Variants in ACBD3 observed in about 807,000 individuals in gnomAD.
ACBD3 encodes Golgi resident protein GCP60.
Under a neutral mutation model 66.9 loss-of-function variants are expected in ACBD3, and 30 were observed. The observed-to-expected ratio is 0.45, with a 90% CI of 0.34 to 0.61. The LOEUF (loss-of-function observed/expected upper bound fraction) is 0.61, where lower values mean the gene tolerates loss of function less well. Ranked by LOEUF, ACBD3 falls within the 20% of genes least tolerant of loss-of-function variation. The probability of loss-of-function intolerance (pLI) is 0.02; values close to 1 mark genes in which losing one functional copy is unlikely to be tolerated. For missense variants in ACBD3, 544 were observed against 664.5 expected (o/e 0.82, Z 1.99); for synonymous variants, 278 against 259.8 (o/e 1.07, Z -0.68).
intron 1 of ACBD3, among the ~76,000 whole-genome samples, chr1:226,171,968 T>C (rs1660002085): frequency 6.6e-6 from 1 of 151,190 alleles, no homozygotes; most frequent in Non-Finnish European, 1.5e-5. Context: ...TCAGCCTGAC[T>C]AACATGAGAA....
At chr1:226,159,044 C>A in intron 5 of ACBD3, 140 bp downstream of exon 5, 1 of 936,768 alleles carries the variant, frequency 1.1e-6, no homozygotes, top group Non-Finnish European at 1.6e-6. Flanking sequence ...TCAAGTCTGC[C>A]TAAAAGATCA....
intron 5 of ACBD3, among the ~76,000 whole-genome samples, chr1:226,156,326 A>G (rs889617807): frequency 3.3e-5 from 5 of 152,222 alleles, no homozygotes; most frequent in African/African-American, 1.2e-4. Flanking sequence ...TTTATAAGCT[A>G]CATCTATAGA....
At chr1:226,179,729 A>C (rs933911393) in intron 1 of ACBD3, among the ~76,000 whole-genome samples, 1 of 151,980 alleles carries the variant, frequency 6.6e-6, no homozygotes, top group Non-Finnish European at 1.5e-5. Context: ...GTGGTGGTGC[A>C]CACCTGTAAT....
chr1:226,170,843 G>T (rs772050824), intron 1 of ACBD3, among the ~76,000 whole-genome samples: 11 of 148,838 alleles, frequency 7.4e-5, no homozygotes, highest in Non-Finnish European at 1.3e-4. Context: ...GCAGTGGCAC[G>T]ATCACAGCTC....
At chr1:226,174,375 A>C (rs187639280) in intron 1 of ACBD3, among the ~76,000 whole-genome samples, 1 of 152,348 alleles carries the variant, frequency 6.6e-6, no homozygotes, top group East Asian at 1.9e-4. Flanking sequence ...AAACATGCAG[A>C]TAAACCTCTA....
At position 226,172,155 on chromosome 1, in the gene ACBD3, C is replaced by CAAAAAAAAAAAAAA. The variant is rs779380166; in HGVS notation, c.287-6169_287-6156dup. On this transcript the variant is annotated intron_variant, in intron 1 of 7. Coordinates refer to ENST00000366812, the MANE Select transcript of ACBD3 (RefSeq NM_022735.4). ...GGGAAACAAGAGCAAAACTCCATCT[C>CAAAAAAAAAAAAAA]AAAAAAAAAAAAAAAGAGGAATACA... Among the ~76,000 whole-genome samples the CAAAAAAAAAAAAAA allele has an allele frequency of 5.1e-4, 22 of 43,168 alleles. 2 individuals carry two copies. The highest frequency in any genetic ancestry group is 1.1e-3 in the Admixed American group (3 of 2,628). The allele number at this position is 43,168 out of a possible 152,430, so 28.3% of individuals were successfully genotyped here.
chr1:226,164,395 G>A (rs1162843167), intron 3 of ACBD3, among the ~76,000 whole-genome samples: 2 of 152,152 alleles, frequency 1.3e-5, no homozygotes, highest in Non-Finnish European at 2.9e-5. Flanking sequence ...AGGTAGCATA[G>A]TTGCAAACCA....
intron 7 of ACBD3, among the ~76,000 whole-genome samples, chr1:226,147,120 G>T (rs1373818062): frequency 1.3e-5 from 2 of 152,174 alleles, no homozygotes; most frequent in African/African-American, 4.8e-5. Flanking sequence ...TCAATCTCCT[G>T]ACCTTGTGAC....
In ACBD3 at chr1:226,175,629, A is replaced by G. The variant is rs529670813; in HGVS notation, c.287-9629T>C. Among the ~76,000 whole-genome samples the G allele has an allele frequency of 3.3e-5, 5 of 152,266 alleles. No individual in the cohort carries two copies. The South Asian group carries it at 1.0e-3, about 32-fold the overall frequency. ...AGAAGAGGAAAGGAGAAAGAGAGAT[A>G]CAGACATACATTAGAATTTTTTTTT... is the stretch of plus-strand genomic sequence containing the variant. On this transcript the variant is annotated intron_variant, in intron 1 of 7. Transcript: ENST00000366812.
intron 7 of ACBD3, among the ~76,000 whole-genome samples, chr1:226,147,184 C>T (rs968205824): frequency 5.3e-5 from 8 of 152,242 alleles, no homozygotes; most frequent in African/African-American, 1.9e-4. Context: ...GCCACCGTGC[C>T]CAGCCTATCC....
Position 226,186,655 on chromosome 1 carries a change from T to A in ACBD3, c.21A>T (p.Ala7=), listed in dbSNP as rs77797743. 3,570 of 1,510,822 alleles carry A rather than the reference T, an allele frequency of 2.4e-3. 79 individuals are homozygous for A. In the African/African-American group the frequency reaches 0.046, roughly 20 times the overall value. 93.6% of individuals were successfully genotyped at this position (1,510,822 alleles called of 1,614,324 possible). ...CGTCGACGGACACCTCGAGTCGCTCTGCGTTCAGCACCGCCGCCATCTCCG... is the reference window on the plus strand; with the variant it reads ...CGTCGACGGACACCTCGAGTCGCTCAGCGTTCAGCACCGCCGCCATCTCCG... MAAVLN[A]ERLEVSVDGL... is the part of the protein sequence containing the mutation. Residue 7 remains alanine, a synonymous_variant, in exon 1 of 8, where the codon GCA becomes GCT. Coordinates refer to ENST00000366812, the MANE Select transcript of ACBD3 (RefSeq NM_022735.4).
intron 1 of ACBD3, among the ~76,000 whole-genome samples, chr1:226,166,705 T>C (rs1659884886): frequency 6.6e-6 from 1 of 152,154 alleles, no homozygotes; most frequent in South Asian, 2.1e-4. Flanking sequence ...CAGGCTGGTC[T>C]CGGACTCCTG....
chr1:226,151,806 G>T (rs1659577459), intron 7 of ACBD3, among the ~76,000 whole-genome samples: 1 of 152,102 alleles, frequency 6.6e-6, no homozygotes, highest in Admixed American at 6.6e-5. Context: ...AGGAGTTCGA[G>T]ACCAGCCTGA....
At chr1:226,180,998 C>CAA (rs540018230) in intron 1 of ACBD3, among the ~76,000 whole-genome samples, 8 of 84,280 alleles carry the variant, frequency 9.5e-5, no homozygotes, top group African/African-American at 1.4e-4. Context: ...GACTCCATCT[C>CAA]AAAAAAAAAA....
chr1:226,186,681 G>A lies in ACBD3; in HGVS notation c.-6C>T. 1 of 1,493,428 alleles carries A rather than the reference G, an allele frequency of 6.7e-7. No homozygotes were observed. The highest frequency in any genetic ancestry group is 2.1e-5 in the Admixed American group (1 of 46,940). 92.5% of individuals were successfully genotyped at this position (1,493,428 alleles called of 1,614,324 possible). A position where few individuals can be genotyped will look rare whatever the true frequency, so the allele number is the denominator to read the frequency against. On this transcript the variant is annotated 5_prime_UTR_variant, in exon 1 of 8. Transcript: ENST00000366812. ...GCGTTCAGCACCGCCGCCATCTCCG[G>A]CTGCTGCACCTCCTCAGCGGGGACA... is the stretch of plus-strand genomic sequence containing the variant.
At chr1:226,165,269 C>T (rs538477214) in intron 2 of ACBD3, among the ~76,000 whole-genome samples, 26 of 152,014 alleles carry the variant, frequency 1.7e-4, no homozygotes, top group Non-Finnish European at 1.2e-4. Flanking sequence ...CTCCCAGGCT[C>T]AAGCGATTCT....
intron 5 of ACBD3, among the ~76,000 whole-genome samples, chr1:226,156,005 T>C (rs1659663830): frequency 6.6e-6 from 1 of 152,228 alleles, no homozygotes; most frequent in African/African-American, 2.4e-5. Context: ...ATCTGAGTAT[T>C]ACTTAGGTAA....
Position 226,186,704 on chromosome 1 carries a change from A to T in ACBD3, c.-29T>A. 2.8e-6 allele frequency: 4 copies of T among 1,454,526 alleles called. No individual in the cohort carries two copies. The highest frequency in any genetic ancestry group is 3.6e-6 in the Non-Finnish European group (4 of 1,108,434). 90.1% of individuals were successfully genotyped at this position (1,454,526 alleles called of 1,614,324 possible). A position where few individuals can be genotyped will look rare whatever the true frequency, so the allele number is the denominator to read the frequency against. On this transcript the variant is annotated 5_prime_UTR_variant, in exon 1 of 8. Transcript: ENST00000366812. ...CGGCTGCTGCACCTCCTCAGCGGGG[A>T]CAGACGGCAGCCACGTATCGACTTC... is the stretch of plus-strand genomic sequence containing the variant.
intron 3 of ACBD3, among the ~76,000 whole-genome samples, chr1:226,162,371 GA>G (rs1659788932): frequency 6.6e-6 from 1 of 151,994 alleles, no homozygotes; most frequent in African/African-American, 2.4e-5. Context: ...AGAAATGTGG[GA>G]AAAAAGATTT....
Sources: allele counts gnomAD v4.1 joint callset (sites outside exome capture counted in the v4.1 genomes callset), GRCh38; gene constraint gnomAD v4.1.1; transcripts MANE v1.5; gene names NCBI Gene and HGNC (gene_info 2026-07-23, HGNC 2026-07-21).